The following IL1RAPL1 variants were observed in gnomAD, a reference collection of about 807,000 sequenced individuals.
IL1RAPL1 encodes the protein interleukin-1 receptor accessory protein-like 1.
Under a neutral mutation model 48.4 loss-of-function variants are expected in IL1RAPL1, and 3 were observed. That is an observed-to-expected ratio of 0.06 (90% CI 0.03 to 0.16). IL1RAPL1 has a LOEUF of 0.16. Among genes scored for constraint, IL1RAPL1 ranks in the 10% least tolerant of loss-of-function variants. The pLI is 1.00. For synonymous variants in IL1RAPL1, 185 were observed against 187.7 expected (o/e 0.99, Z 0.12); for missense variants, 349 against 530.6 (o/e 0.66, Z 3.36).
At chrX:29,209,571 C>T (rs910623772) in intron 2 of IL1RAPL1, among the ~76,000 whole-genome samples, 1 of 111,834 alleles carries the variant, frequency 8.9e-6, no homozygotes, top group Non-Finnish European at 1.9e-5. Flanking sequence ...CTTATACAGG[C>T]ACAAGCTATG....
chrX:28,835,030 A>T (rs1401390278), intron 2 of IL1RAPL1, among the ~76,000 whole-genome samples: 1 of 112,002 alleles, frequency 8.9e-6, no homozygotes, highest in African/African-American at 3.2e-5. Flanking sequence ...TCAGAGGATT[A>T]AGGCAAAGGC....
intron 6 of IL1RAPL1, among the ~76,000 whole-genome samples, chrX:29,793,177 C>T (rs747190648): frequency 8.9e-6 from 1 of 112,280 alleles, no homozygotes; most frequent in African/African-American, 3.2e-5. Context: ...AATGCATGTG[C>T]ATGCACAAAC....
rs369420054 is a variant in IL1RAPL1, at chrX:29,467,885, G to T, written c.703+68577G>T. Among the ~76,000 whole-genome samples, 103 of 111,440 alleles carry T rather than the reference G, an allele frequency of 9.2e-4. 1 individual carries two copies. The highest frequency in any genetic ancestry group is 7.6e-3 in the East Asian group (27 of 3,569). On this transcript the variant is annotated intron_variant, in intron 5 of 10. Coordinates refer to ENST00000378993, the MANE Select transcript of IL1RAPL1 (RefSeq NM_014271.4). ...TATTTATTTTATTTTTTTAGATGCA[G>T]TTTTGCTCTTGTCGGCCCAGGCTGG...
At chrX:29,708,027 A>G (rs1461068376) in intron 6 of IL1RAPL1, among the ~76,000 whole-genome samples, 1 of 111,303 alleles carries the variant, frequency 9.0e-6, no homozygotes, top group Non-Finnish European at 1.9e-5. Context: ...ACTCACATAT[A>G]TTTTAAATTT....
At chrX:29,916,858 T>TG (rs1365913517) in intron 6 of IL1RAPL1, among the ~76,000 whole-genome samples, 1 of 112,475 alleles carries the variant, frequency 8.9e-6, no homozygotes, top group Non-Finnish European at 1.9e-5. Flanking sequence ...TTATCTGTGA[T>TG]GAAAATCCCA....
intron 2 of IL1RAPL1, among the ~76,000 whole-genome samples, chrX:29,265,244 C>G (rs1194779495): frequency 1.8e-5 from 2 of 109,017 alleles, no homozygotes; most frequent in Admixed American, 9.9e-5. Flanking sequence ...AAGGATCTAC[C>G]TTTAACTTAT....
intron 2 of IL1RAPL1, among the ~76,000 whole-genome samples, chrX:29,219,962 A>G (rs1038618290): frequency 1.8e-5 from 2 of 111,046 alleles, no homozygotes; most frequent in Non-Finnish European, 3.8e-5. Flanking sequence ...AAAGAAAAAA[A>G]AAAAAGAAAA....
chrX:29,530,953 T>G (rs1189328554), intron 5 of IL1RAPL1, among the ~76,000 whole-genome samples: 1 of 112,282 alleles, frequency 8.9e-6, no homozygotes, highest in Non-Finnish European at 1.9e-5. Context: ...ACAGTTTGTC[T>G]TCATAAATTT....
intron 2 of IL1RAPL1, among the ~76,000 whole-genome samples, chrX:28,804,774 A>G (rs925769651): frequency 9.0e-6 from 1 of 111,321 alleles, no homozygotes; most frequent in African/African-American, 3.3e-5. Context: ...TCCTTTTGCC[A>G]CTTAACAGTC....
chrX:28,592,936 A>G (rs1043279426), intron 1 of IL1RAPL1, among the ~76,000 whole-genome samples: 5 of 112,068 alleles, frequency 4.5e-5, no homozygotes, highest in African/African-American at 1.6e-4. Context: ...GTCTTATGGC[A>G]ATACTTTAGA....
At chrX:29,116,715 T>C (rs1252074578) in intron 2 of IL1RAPL1, among the ~76,000 whole-genome samples, 1 of 111,497 alleles carries the variant, frequency 9.0e-6, no homozygotes, top group Non-Finnish European at 1.9e-5. Flanking sequence ...ATAGGTGTTA[T>C]AGTGGTAAGC....
At chrX:29,534,846 G>A (rs1260803273) in intron 5 of IL1RAPL1, among the ~76,000 whole-genome samples, 1 of 109,673 alleles carries the variant, frequency 9.1e-6, no homozygotes, top group African/African-American at 3.3e-5. Context: ...GCGGGCGCCT[G>A]TAGTCCCAGC....
At chrX:29,769,536 C>T (rs1191972814) in intron 6 of IL1RAPL1, among the ~76,000 whole-genome samples, 17 of 96,956 alleles carry the variant, frequency 1.8e-4, no homozygotes, top group Non-Finnish European at 3.0e-4. Context: ...TTCTGCCTCC[C>T]GGGTTCCAGC....
intron 6 of IL1RAPL1, among the ~76,000 whole-genome samples, chrX:29,720,075 A>G (rs1218428574): frequency 8.9e-6 from 1 of 112,156 alleles, no homozygotes; most frequent in Non-Finnish European, 1.9e-5. Context: ...GCCAGTTAGA[A>G]TGGCAATCAT....
At chrX:28,918,750 A>G (rs946486277) in intron 2 of IL1RAPL1, among the ~76,000 whole-genome samples, 7 of 111,552 alleles carry the variant, frequency 6.3e-5, no homozygotes, top group Admixed American at 1.9e-4. Flanking sequence ...TTCCTGGTAA[A>G]TAGAAAGGCC....
chrX:29,767,185 T>C (rs906839939), intron 6 of IL1RAPL1, among the ~76,000 whole-genome samples: 4 of 112,307 alleles, frequency 3.6e-5, no homozygotes, highest in Non-Finnish European at 7.5e-5. Flanking sequence ...TGTTTGCTTG[T>C]TTTCTAAGTC....
At chrX:29,560,171 C>G (rs1185195161) in intron 5 of IL1RAPL1, among the ~76,000 whole-genome samples, 2 of 111,640 alleles carry the variant, frequency 1.8e-5, no homozygotes, top group African/African-American at 6.5e-5. Context: ...GCATAGTATT[C>G]TTGGTTGACA....
At chrX:29,748,349 C>T (rs1367872927) in intron 6 of IL1RAPL1, among the ~76,000 whole-genome samples, 1 of 112,264 alleles carries the variant, frequency 8.9e-6, no homozygotes, top group Non-Finnish European at 1.9e-5. Context: ...TGGATGTGAA[C>T]ATATTGAACT....
intron 2 of IL1RAPL1, among the ~76,000 whole-genome samples, chrX:29,048,074 C>T (rs927331890): frequency 9.0e-6 from 1 of 111,258 alleles, no homozygotes; most frequent in Non-Finnish European, 1.9e-5. Flanking sequence ...GCAACTTTTA[C>T]GTGTATGTGT....
Sources: gnomAD v4.1 joint callset for allele counts (sites outside exome capture counted in the v4.1 genomes callset) on GRCh38, gnomAD v4.1.1 for gene constraint, MANE v1.5 for transcripts, NCBI Gene and HGNC (gene_info 2026-07-23, HGNC 2026-07-21) for gene names.